CTDSPL2: variants seen among roughly 807,000 people sequenced by gnomAD.
CTDSPL2 encodes the protein CTD small phosphatase-like protein 2.
A neutral mutation model predicts 60.0 loss-of-function variants in CTDSPL2; 5 were observed. The observed-to-expected ratio is 0.08, with a 90% CI of 0.04 to 0.18. The LOEUF (loss-of-function observed/expected upper bound fraction) is 0.18, where lower values mean the gene tolerates loss of function less well. CTDSPL2 is among the 10% of genes least tolerant of loss of function. The pLI, the probability that CTDSPL2 is intolerant of heterozygous loss-of-function variation, is 1.00. For missense variants in CTDSPL2, 370 were observed against 548.8 expected (o/e 0.67, Z 3.26); for synonymous variants, 186 against 189.3 (o/e 0.98, Z 0.14).
At position 44,486,572 on chromosome 15, in the gene CTDSPL2, C is replaced by T; in HGVS notation, c.347C>T (p.Thr116Ile). ...VNGEAGSYEMTNQHVKQNGKL... is the reference protein window; with the variant it reads ...VNGEAGSYEMINQHVKQNGKL... ...TTAGAAGCTGGTAGTTATGAAATGACAAATCAACATGTAAAACAAAATGGA... is the reference window on the plus strand; with the variant it reads ...TTAGAAGCTGGTAGTTATGAAATGATAAATCAACATGTAAAACAAAATGGA... The change falls in exon 4 of 13, where the codon ACA becomes ATA. Residue 116 changes from threonine (T) to isoleucine (I), a missense_variant. Thr to Ile is a moderately conservative substitution (Grantham distance 89). This residue lies in a region of CTDSPL2 where 287 missense variants were observed against 296.1 expected (regional missense o/e 0.97). Coordinates refer to ENST00000260327, the MANE Select transcript of CTDSPL2 (RefSeq NM_016396.3). The T allele has an allele frequency of 6.3e-7, 1 of 1,575,076 alleles. No individual in the cohort carries two copies. Among genetic ancestry groups the T allele is most frequent in the Non-Finnish European group, 8.6e-7 (1 of 1,164,690 alleles).
chr15:44,464,335 G>A (rs1275253610), intron 2 of CTDSPL2, among the ~76,000 whole-genome samples: 2 of 152,090 alleles, frequency 1.3e-5, no homozygotes, highest in African/African-American at 4.8e-5. Flanking sequence ...AATAACTTGC[G>A]CAAAGTTACT....
intron 8 of CTDSPL2, among the ~76,000 whole-genome samples, chr15:44,500,355 G>C (rs1233965456): frequency 6.6e-6 from 1 of 152,084 alleles, no homozygotes; most frequent in Non-Finnish European, 1.5e-5. Flanking sequence ...TGATGGACAG[G>C]TAACAGTGCA....
In CTDSPL2 at chr15:44,483,218, G is replaced by C. The variant is rs1347090118; in HGVS notation, c.187-1006G>C. ...GCGGAGGTTGCTGTGAGGCATGATC[G>C]TGCCACTGCACTCTAGCCTGGGTGA... is the stretch of plus-strand genomic sequence containing the variant. On this transcript the variant is annotated intron_variant, in intron 2 of 12. Transcript: ENST00000260327. Among the ~76,000 whole-genome samples the C allele has an allele frequency of 7.5e-5, 11 of 147,156 alleles. No homozygotes were observed. The East Asian group carries it at 2.2e-3, about 30-fold the overall frequency.
At chr15:44,512,075 T>G (rs1245463411) in intron 8 of CTDSPL2, among the ~76,000 whole-genome samples, 1 of 151,786 alleles carries the variant, frequency 6.6e-6, no homozygotes, top group Non-Finnish European at 1.5e-5. Context: ...TATGCACTTG[T>G]CATCCCAGCT....
intron 8 of CTDSPL2, among the ~76,000 whole-genome samples, chr15:44,508,200 A>G (rs1278095362): frequency 1.8e-4 from 28 of 151,838 alleles, no homozygotes; most frequent in Admixed American, 1.8e-3. Flanking sequence ...CTCCTGCCTC[A>G]GCCCCCTGAG....
At chr15:44,494,326 A>C (rs2081262749) in intron 5 of CTDSPL2, among the ~76,000 whole-genome samples, 1 of 152,216 alleles carries the variant, frequency 6.6e-6, no homozygotes, top group Non-Finnish European at 1.5e-5. Flanking sequence ...TCTTCTAAGC[A>C]GTGATTTTGA....
intron 1 of CTDSPL2, among the ~76,000 whole-genome samples, chr15:44,446,151 C>G (rs1319773453): frequency 6.6e-6 from 1 of 151,600 alleles, no homozygotes; most frequent in Non-Finnish European, 1.5e-5. Context: ...TTCTCGAACT[C>G]CTGACCTCGT....
intron 8 of CTDSPL2, among the ~76,000 whole-genome samples, chr15:44,512,047 T>C (rs1185873633): frequency 6.6e-6 from 1 of 151,764 alleles, no homozygotes; most frequent in Non-Finnish European, 1.5e-5. Context: ...AAAAATTGTT[T>C]AAAGCCAGGC....
intron 1 of CTDSPL2, among the ~76,000 whole-genome samples, chr15:44,429,878 T>A (rs2079822542): frequency 6.6e-6 from 1 of 152,126 alleles, no homozygotes; most frequent in Non-Finnish European, 1.5e-5. Context: ...AAAAAAAGAA[T>A]GTAAAAGCTA....
intron 5 of CTDSPL2, among the ~76,000 whole-genome samples, chr15:44,492,714 C>T (rs574673999): frequency 1.2e-4 from 18 of 152,248 alleles, no homozygotes; most frequent in African/African-American, 4.3e-4. Flanking sequence ...GTGAAAGATT[C>T]ATATGTATAA....
In CTDSPL2 at chr15:44,432,382, C is replaced by T. The variant is rs1007923472; in HGVS notation, c.-25+4610C>T. On this transcript the variant is annotated intron_variant, in intron 1 of 12. Coordinates refer to ENST00000260327, the MANE Select transcript of CTDSPL2 (RefSeq NM_016396.3). ...TCGCCCAGGCTGGAGTGCAGTGGGG[C>T]AATCTTGGCTCAATGCAACCTCCGC... Among the ~76,000 whole-genome samples, 10 of 151,868 alleles carry T rather than the reference C, an allele frequency of 6.6e-5. No individual in the cohort carries two copies. The East Asian group carries it at 1.9e-3, about 30-fold the overall frequency.
intron 1 of CTDSPL2, among the ~76,000 whole-genome samples, chr15:44,443,346 GT>G (rs1466129686): frequency 6.6e-6 from 1 of 152,096 alleles, no homozygotes; most frequent in Non-Finnish European, 1.5e-5. Context: ...TTTAGCTATT[GT>G]GAAAAATGCT....
At chr15:44,479,588 G>A (rs1389239822) in intron 2 of CTDSPL2, among the ~76,000 whole-genome samples, 1 of 151,444 alleles carries the variant, frequency 6.6e-6, no homozygotes, top group Non-Finnish European at 1.5e-5. Context: ...TTAAATTTTT[G>A]TGTAGAAATG....
intron 1 of CTDSPL2, among the ~76,000 whole-genome samples, chr15:44,454,631 A>G (rs2080397156): frequency 6.6e-6 from 1 of 152,226 alleles, no homozygotes; most frequent in African/African-American, 2.4e-5. Flanking sequence ...ATCCAGTTTC[A>G]GCTTTCTACA....
chr15:44,452,739 G>A (rs1432366862), intron 1 of CTDSPL2, among the ~76,000 whole-genome samples: 1 of 151,958 alleles, frequency 6.6e-6, no homozygotes, highest in Non-Finnish European at 1.5e-5. Context: ...GCCATTTTAG[G>A]AGGTGTGAAT....
rs554491460 is a variant in CTDSPL2, at chr15:44,501,844, T to C, written c.969+2031T>C. 271 of 346,106 alleles carry C rather than the reference T, an allele frequency of 7.8e-4. 5 individuals are homozygous for C. Among genetic ancestry groups the C allele is most frequent in the South Asian group, 6.4e-3 (262 of 41,202 alleles). 21.4% of individuals were successfully genotyped at this position (346,106 alleles called of 1,614,324 possible). On this transcript the variant is annotated intron_variant, in intron 8 of 12. Transcript: ENST00000260327. ...GTACATTCCCTTGGATTTCTTATTT[T>C]GGCATAGCCATTCTGTCTTTTAAAA...
At chr15:44,444,854 T>A in intron 1 of CTDSPL2, among the ~76,000 whole-genome samples, 1 of 132,758 alleles carries the variant, frequency 7.5e-6, no homozygotes, top group South Asian at 2.5e-4. Context: ...TTTTTTTTTT[T>A]TTTTTTTTTT....
rs376749567 is a variant in CTDSPL2 at position 44,435,658 on chromosome 15, G to A, written c.-25+7886G>A. ...GTCTCGCTCTGTCACCCAATCTGGA[G>A]CGCAGTGGCGCAATCTGAGCTCACT... On this transcript the variant is annotated intron_variant, in intron 1 of 12. Transcript: ENST00000260327. Among the ~76,000 whole-genome samples, 8 of 147,898 alleles carry A rather than the reference G, an allele frequency of 5.4e-5. No homozygotes were observed. The East Asian group carries it at 1.5e-3, about 27-fold the overall frequency.
intron 8 of CTDSPL2, chr15:44,503,324 T>C (rs150607110): frequency 3.3e-5 from 5 of 152,350 alleles, no homozygotes; most frequent in South Asian, 4.1e-4. Context: ...TGATCACTTT[T>C]ATTGCACATG....
Sources: gnomAD v4.1 joint callset for allele counts (sites outside exome capture counted in the v4.1 genomes callset) on GRCh38, gnomAD v4.1.1 for gene constraint, gnomAD v4.1.1 regional missense constraint, MANE v1.5 for transcripts, NCBI Gene and HGNC (gene_info 2026-07-23, HGNC 2026-07-21) for gene names.